The following BABAM2 variants were observed in gnomAD, a reference collection of about 807,000 sequenced individuals.
The protein encoded by BABAM2 is BRISC and BRCA1-A complex member 2.
In BABAM2, 31 loss-of-function variants were observed where a neutral mutation model predicts 54.7. The observed-to-expected ratio is 0.57, with a 90% confidence interval of 0.43 to 0.77. BABAM2 has a LOEUF of 0.77. Among genes scored for constraint, BABAM2 ranks in the 30% least tolerant of loss-of-function variants. The pLI, the probability that BABAM2 is intolerant of heterozygous loss-of-function variation, is 0.00. For synonymous variants in BABAM2, 167 were observed against 162.9 expected (o/e 1.03, Z -0.19); for missense variants, 364 against 455.8 (o/e 0.80, Z 1.83).
At chr2:28,033,347 G>A (rs563349181) in intron 5 of BABAM2, among the ~76,000 whole-genome samples, 28 of 152,068 alleles carry the variant, frequency 1.8e-4, no homozygotes, top group African/African-American at 6.0e-4. Context: ...CAGAATACCC[G>A]AAACTAATAA....
chr2:28,111,339 ATTGAGG>A lies in BABAM2; in HGVS notation c.571-17928_571-17923del, dbSNP rs1447008051. Among the ~76,000 whole-genome samples the A allele has an allele frequency of 7.9e-5, 12 of 152,068 alleles. No individual in the cohort carries two copies. The East Asian group carries it at 2.3e-3, about 29-fold the overall frequency. On this transcript the variant is annotated intron_variant, in intron 6 of 11. Coordinates refer to ENST00000379624, the MANE Select transcript of BABAM2 (RefSeq NM_199191.3). Reference sequence around the variant, plus strand: ...ATTCAAGTTCTTTGCCCGTTTTTGAATTGAGGTTGTTTGGTTTTTTTGTTACTGAGT... The same window carrying A: ...ATTCAAGTTCTTTGCCCGTTTTTGAATTGTTTGGTTTTTTTGTTACTGAGT...
At position 28,181,540 on chromosome 2, in the gene BABAM2, A is replaced by C. The variant is rs545105039; in HGVS notation, c.680+52160A>C. 6.7e-4 allele frequency among the ~76,000 whole-genome samples: 102 copies of C among 152,306 alleles called. 1 individual carries two copies. Among genetic ancestry groups the C allele is most frequent in the African/African-American group, 2.3e-3 (97 of 41,574 alleles). The stretch of plus-strand genomic sequence containing the variant: ...GTTAACAATGTATTGTATATTTCAA[A>C]ATAGCTAGAAGAAAAGACTTAAAAT... On this transcript the variant is annotated intron_variant, in intron 7 of 11. Transcript: ENST00000379624.
At chr2:27,912,533 A>C (rs940836066) in intron 2 of BABAM2, among the ~76,000 whole-genome samples, 3 of 152,208 alleles carry the variant, frequency 2.0e-5, no homozygotes, top group African/African-American at 7.2e-5. Flanking sequence ...AAGGATTCTG[A>C]GAACCAATAT....
At chr2:28,251,101 A>G (rs1033515130) in intron 10 of BABAM2, among the ~76,000 whole-genome samples, 2 of 152,248 alleles carry the variant, frequency 1.3e-5, no homozygotes, top group Admixed American at 6.5e-5. Context: ...TAAATGACTA[A>G]TGTTCACACA....
At chr2:28,009,823 G>A (rs2148529214) in intron 4 of BABAM2, among the ~76,000 whole-genome samples, 1 of 152,274 alleles carries the variant, frequency 6.6e-6, no homozygotes. Flanking sequence ...GCCTCCTGGA[G>A]AGAGAATGTG....
intron 3 of BABAM2, among the ~76,000 whole-genome samples, chr2:27,953,417 A>G (rs1315866718): frequency 6.6e-6 from 1 of 152,044 alleles, no homozygotes; most frequent in African/African-American, 2.4e-5. Context: ...TCTTGGGCTC[A>G]AGTGATCCTC....
intron 6 of BABAM2, among the ~76,000 whole-genome samples, chr2:28,080,284 A>G (rs887343427): frequency 2.0e-5 from 3 of 152,166 alleles, no homozygotes; most frequent in Non-Finnish European, 4.4e-5. Context: ...AAATTCTGTG[A>G]TACTCATTTA....
chr2:28,221,524 A>G (rs981922397), intron 7 of BABAM2, among the ~76,000 whole-genome samples: 19 of 152,244 alleles, frequency 1.2e-4, no homozygotes, highest in African/African-American at 4.6e-4. Context: ...TGCAGCTTGC[A>G]TTTTTCCTAT....
chr2:27,953,593 A>C (rs1669897757), intron 3 of BABAM2, among the ~76,000 whole-genome samples: 1 of 151,676 alleles, frequency 6.6e-6, no homozygotes, highest in Non-Finnish European at 1.5e-5. Context: ...CACTGGGCCC[A>C]CACTTCTCTT....
chr2:28,317,233 C>T (rs1434233011), intron 11 of BABAM2, among the ~76,000 whole-genome samples: 2 of 152,120 alleles, frequency 1.3e-5, no homozygotes, highest in African/African-American at 4.8e-5. Flanking sequence ...AAGCGTCCTG[C>T]GGTTGAGATG....
intron 6 of BABAM2, among the ~76,000 whole-genome samples, chr2:28,055,464 T>C (rs1678330556): frequency 6.6e-6 from 1 of 152,322 alleles, no homozygotes; most frequent in Admixed American, 6.5e-5. Flanking sequence ...CAGAGTTATG[T>C]TTACTACTTA....
rs77818394 is a variant in BABAM2 at position 28,105,602 on chromosome 2, A to G, written c.571-23669A>G. Among the ~76,000 whole-genome samples, 197 of 152,352 alleles carry G rather than the reference A, an allele frequency of 1.3e-3. 4 individuals carry two copies. In the East Asian group the frequency reaches 0.028, roughly 22 times the overall value. On this transcript the variant is annotated intron_variant, in intron 6 of 11. Transcript: ENST00000379624. ...AGAAAAGTTCAAATCTTCAAAATAG[A>G]AATAATAACAGTATTTATCTTCAAG...
chr2:28,262,916 C>A (rs1684653090), intron 10 of BABAM2, among the ~76,000 whole-genome samples: 2 of 152,086 alleles, frequency 1.3e-5, no homozygotes, highest in South Asian at 4.1e-4. Flanking sequence ...CTTGTTGATA[C>A]ACTTTTCCTC....
chr2:28,068,173 T>C (rs1663788586), intron 6 of BABAM2, among the ~76,000 whole-genome samples: 1 of 152,212 alleles, frequency 6.6e-6, no homozygotes, highest in Non-Finnish European at 1.5e-5. Context: ...TTACTTAGTA[T>C]GATGAGACTA....
chr2:28,041,907 T>C (rs1477101250), intron 5 of BABAM2, among the ~76,000 whole-genome samples: 1 of 152,184 alleles, frequency 6.6e-6, no homozygotes, highest in Non-Finnish European at 1.5e-5. Context: ...TTAGGGGCAA[T>C]TGCAGTTGTC....
At chr2:28,094,864 T>A (rs1290138968) in intron 6 of BABAM2, among the ~76,000 whole-genome samples, 1 of 151,848 alleles carries the variant, frequency 6.6e-6, no homozygotes. Context: ...TACTTAACAA[T>A]GCATCTTGGC....
At chr2:27,973,300 A>T (rs1573301268) in intron 3 of BABAM2, among the ~76,000 whole-genome samples, 1 of 152,070 alleles carries the variant, frequency 6.6e-6, no homozygotes. Flanking sequence ...TTTTCTTTCC[A>T]TATCTCCTGG....
rs1670015382 is a variant in BABAM2, at chr2:28,131,083, T to TA, written c.680+1703_680+1704insA. On this transcript the variant is annotated intron_variant, in intron 7 of 11. Transcript: ENST00000379624. ...ATTATTATTATTATTATTATTATTTTTTTTTTTTTTTTTTTTGAGACGGAG... is the reference window on the plus strand; with the variant it reads ...ATTATTATTATTATTATTATTATTTTATTTTTTTTTTTTTTTTGAGACGGAG... 3.3e-4 allele frequency among the ~76,000 whole-genome samples: 2 copies of TA among 6,028 alleles called. 1 individual carries two copies. Among genetic ancestry groups the TA allele is most frequent in the South Asian group, 0.021 (2 of 96 alleles). The allele number at this position is 6,028 out of a possible 152,430, so 4.0% of individuals were successfully genotyped here.
chr2:28,261,150 C>G (rs1684488156), intron 10 of BABAM2, among the ~76,000 whole-genome samples: 2 of 151,924 alleles, frequency 1.3e-5, no homozygotes, highest in Non-Finnish European at 2.9e-5. Flanking sequence ...CCATAATGGT[C>G]AGACTGGTCT....
Sources: allele counts gnomAD v4.1 joint callset (sites outside exome capture counted in the v4.1 genomes callset), GRCh38; gene constraint gnomAD v4.1.1; transcripts MANE v1.5; gene names NCBI Gene and HGNC (gene_info 2026-07-23, HGNC 2026-07-21).